AP2A1: variants seen among roughly 807,000 people sequenced by gnomAD.
AP2A1 encodes the protein adaptor related protein complex 2 subunit alpha 1, also known as AP-2 complex subunit alpha-1.
Under a neutral mutation model 107.3 loss-of-function variants are expected in AP2A1, and 21 were observed. That is an observed-to-expected ratio of 0.20 (90% CI 0.14 to 0.28). AP2A1 has a LOEUF of 0.28. Among genes scored for constraint, AP2A1 ranks in the 10% least tolerant of loss-of-function variants. The pLI is 1.00. For missense variants in AP2A1, 873 were observed against 1,307.7 expected (o/e 0.67, Z 5.13); for synonymous variants, 602 against 564.8 (o/e 1.07, Z -0.93).
rs192301714 is a variant in AP2A1, at chr19:49,794,026, G to A, written c.705+934G>A. ...CGCCATTCTCCAGCCTTAGCCTCCC[G>A]AGTAGCTGGGACTACAGGCGCCTGC... On this transcript the variant is annotated intron_variant, in intron 6 of 22. Coordinates refer to ENST00000354293, the MANE Select transcript of AP2A1 (RefSeq NM_130787.3). Among the ~76,000 whole-genome samples the A allele has an allele frequency of 4.5e-3, 628 of 141,040 alleles. 11 individuals are homozygous for A. Among genetic ancestry groups the A allele is most frequent in the Admixed American group, 0.035 (456 of 13,160 alleles). The allele number at this position is 141,040 out of a possible 152,430, so 92.5% of individuals were successfully genotyped here.
At chr19:49,791,805 C>G in intron 4 of AP2A1, 130 bp from the exon 5 acceptor site, 1 of 1,230,310 alleles carries the variant, frequency 8.1e-7, no homozygotes. Context: ...CTGGATCCTG[C>G]GGCCGCCTGG....
Position 49,779,050 on chromosome 19 carries a change from A to T in AP2A1, c.68-2707A>T, listed in dbSNP as rs553014114. ...ATTGCTACCAAAAAAAAAAAAAAAAATTAGGGCTGGGCGAAGTGGCTCACT... is the reference window on the plus strand; with the variant it reads ...ATTGCTACCAAAAAAAAAAAAAAAATTTAGGGCTGGGCGAAGTGGCTCACT... On this transcript the variant is annotated intron_variant, in intron 1 of 22. Coordinates refer to ENST00000354293, the MANE Select transcript of AP2A1 (RefSeq NM_130787.3). Among the ~76,000 whole-genome samples, 1,213 of 150,710 alleles carry T rather than the reference A, an allele frequency of 8.0e-3. 13 individuals carry two copies. The highest frequency in any genetic ancestry group is 0.028 in the African/African-American group (1,137 of 41,070).
At chr19:49,793,898 CT>C (rs956804227) in intron 6 of AP2A1, among the ~76,000 whole-genome samples, 1,284 of 74,528 alleles carry the variant, frequency 0.017, 4 homozygotes, top group South Asian at 0.042. Context: ...CTCATTGTTT[CT>C]TTTTTTTTTT....
At position 49,767,049 on chromosome 19, in the gene AP2A1, G is replaced by A; in HGVS notation, c.-85G>A. On this transcript the variant is annotated 5_prime_UTR_variant, in exon 1 of 23. Coordinates refer to ENST00000354293, the MANE Select transcript of AP2A1 (RefSeq NM_130787.3). The stretch of plus-strand genomic sequence containing the variant: ...GGCTCGGCTCCTTGGCGCTGCCTGG[G>A]GTCCTTTCCGCCCGGTCCCCGCTTG... 1 of 1,437,026 alleles carries A rather than the reference G, an allele frequency of 7.0e-7. No homozygotes were observed. The highest frequency in any genetic ancestry group is 9.3e-7 in the Non-Finnish European group (1 of 1,077,820). 89.0% of individuals were successfully genotyped at this position (1,437,026 alleles called of 1,614,324 possible).
At chr19:49,778,412 G>T (rs1026234498) in intron 1 of AP2A1, among the ~76,000 whole-genome samples, 5 of 152,040 alleles carry the variant, frequency 3.3e-5, no homozygotes, top group Admixed American at 3.3e-4. Context: ...GTGAAACCTC[G>T]TCTCTACTAA....
rs1460367369 is a variant in AP2A1, at chr19:49,799,498, G to A, written c.1134+3G>A. 6.2e-7 allele frequency: 1 copy of A among 1,610,678 alleles called. No homozygotes were observed. Among genetic ancestry groups the A allele is most frequent in the Non-Finnish European group, 8.5e-7 (1 of 1,179,418 alleles). On this transcript the variant is annotated splice_donor_region_variant and intron_variant, in intron 9 of 22. Coordinates refer to ENST00000354293, the MANE Select transcript of AP2A1 (RefSeq NM_130787.3). ...ACACCGTCATCAATGCCCTCAAGGT[G>A]TGAGCCCTTGGAGCCCACCCCGGGC...
chr19:49,801,184 C>A, intron 12 of AP2A1, 126 bp downstream of exon 12: 2 of 1,015,694 alleles, frequency 2.0e-6, no homozygotes, highest in East Asian at 2.6e-5. Flanking sequence ...CACCCCAATC[C>A]ACCTAGCAGG....
In AP2A1 at chr19:49,799,662, G is replaced by A; in HGVS notation, c.1168G>A (p.Ala390Thr). The A allele has an allele frequency of 1.9e-6, 3 of 1,611,968 alleles. No homozygotes were observed. The highest frequency in any genetic ancestry group is 4.5e-5 in the East Asian group (2 of 44,882). The change falls in exon 10 of 23, where the codon GCT becomes ACT. Residue 390 changes from alanine (A) to threonine (T), a missense_variant. Physicochemically the swap from Ala to Thr is moderately conservative, Grantham distance 58. Coordinates refer to ENST00000354293, the MANE Select transcript of AP2A1 (RefSeq NM_130787.3). ...ERDVSVRQRA[A>T]DLLYAMCDRS... ...GGACGTCAGCGTGCGGCAGCGGGCGGCTGACCTCCTCTACGCCATGTGTGA... is the reference window on the plus strand; with the variant it reads ...GGACGTCAGCGTGCGGCAGCGGGCGACTGACCTCCTCTACGCCATGTGTGA...
rs1217007780 is a variant in AP2A1, at chr19:49,788,147, A to C, written c.474-3788A>C. ...TTTTTTATAGAGACAGGGTCTCACT[A>C]TATTACCCAGGCTAGTCTTGAACTC... On this transcript the variant is annotated intron_variant, in intron 4 of 22. Transcript: ENST00000354293. The surrounding 1 kb of genome is among the most constrained non-coding windows in gnomAD (Gnocchi z 4.5). Among the ~76,000 whole-genome samples the C allele has an allele frequency of 1.3e-5, 2 of 151,990 alleles. No individual in the cohort carries two copies. Among genetic ancestry groups the C allele is most frequent in the African/African-American group, 4.8e-5 (2 of 41,386 alleles).
At chr19:49,780,342 G>A (rs1477530134) in intron 1 of AP2A1, among the ~76,000 whole-genome samples, 1 of 152,248 alleles carries the variant, frequency 6.6e-6, no homozygotes, top group East Asian at 1.9e-4. Flanking sequence ...CCTTTCAGGG[G>A]TGGCAGGAGC....
intron 1 of AP2A1, among the ~76,000 whole-genome samples, chr19:49,768,436 G>T (rs1001640094): frequency 4.6e-5 from 7 of 152,132 alleles, no homozygotes; most frequent in African/African-American, 1.7e-4. Flanking sequence ...TGTCAAGAGA[G>T]ACTGCTGATA....
chr19:49,806,385 A>T (rs2073384525), intron 22 of AP2A1, 132 bp downstream of exon 22: 1 of 1,437,008 alleles, frequency 7.0e-7, no homozygotes, highest in East Asian at 2.5e-5. Flanking sequence ...TTCTTTGTCC[A>T]CTTTTACTCC....
intron 6 of AP2A1, among the ~76,000 whole-genome samples, chr19:49,794,011 C>T (rs1220400248): frequency 6.7e-6 from 1 of 149,756 alleles, no homozygotes; most frequent in Non-Finnish European, 1.5e-5. Context: ...CGCCATTCTC[C>T]AGCCTTAGCC....
chr19:49,798,844 CTG>C lies in AP2A1; in HGVS notation c.860_861del (p.Val287AlafsTer34), dbSNP rs1848257312. The C allele has an allele frequency of 6.2e-7, 1 of 1,603,046 alleles. No individual in the cohort carries two copies. The highest frequency in any genetic ancestry group is 8.5e-7 in the Non-Finnish European group (1 of 1,175,038). On this transcript the variant is annotated frameshift_variant, in exon 8 of 23. Coordinates refer to ENST00000354293, the MANE Select transcript of AP2A1 (RefSeq NM_130787.3). LOFTEE classifies it high-confidence loss of function. ...GGGCGGCTGGTGGAATGTCTGGAGA[CTG>C]TGCTCAACAAGGCCCAGGAGCCCCC... is the stretch of plus-strand genomic sequence containing the variant.
In AP2A1 at chr19:49,799,453, A is replaced by G. The variant is rs1360915379; in HGVS notation, c.1092A>G (p.Glu364=). 8 of 1,611,768 alleles carry G rather than the reference A, an allele frequency of 5.0e-6. No individual in the cohort carries two copies. The African/African-American group carries it at 1.1e-4, about 22-fold the overall frequency. ...CTLASSEFSH[E]AVKTHIDTVI... is the part of the protein sequence containing the mutation. ...TGGCCAGCTCCGAGTTCTCCCATGA[A>G]GCCGTCAAGACGCACATTGACACCG... The change falls in exon 9 of 23, where the codon GAA becomes GAG. Residue 364 remains glutamate, a synonymous_variant. Coordinates refer to ENST00000354293, the MANE Select transcript of AP2A1 (RefSeq NM_130787.3).
intron 4 of AP2A1, among the ~76,000 whole-genome samples, chr19:49,783,398 G>A (rs1238665428): frequency 6.6e-6 from 1 of 152,094 alleles, no homozygotes. Context: ...AGCTGAGGTG[G>A]GAGGATCTCC....
At chr19:49,803,644 G>A (rs1333635503) in intron 18 of AP2A1, 3 of 495,660 alleles carry the variant, frequency 6.1e-6, no homozygotes, top group South Asian at 2.0e-5. Context: ...GGCACCTTCC[G>A]TGTCCTGCCA....
intron 18 of AP2A1, chr19:49,803,937 G>C: frequency 6.3e-6 from 1 of 158,294 alleles, no homozygotes; most frequent in Non-Finnish European, 1.4e-5. Flanking sequence ...AGAAAAGCTC[G>C]ACCTGAAAAC....
chr19:49,791,815 G>T, intron 4 of AP2A1, 120 bp from the exon 5 acceptor site: 1 of 1,339,474 alleles, frequency 7.5e-7, no homozygotes, highest in Non-Finnish European at 1.0e-6. Context: ...CGGCCGCCTG[G>T]CTGTCTGTCC....
Sources: allele counts gnomAD v4.1 joint callset (sites outside exome capture counted in the v4.1 genomes callset), GRCh38; gene constraint gnomAD v4.1.1; non-coding constraint Gnocchi (gnomAD v3.1); transcripts MANE v1.5; gene names NCBI Gene and HGNC (gene_info 2026-07-23, HGNC 2026-07-21).